Variants in ADGRD1 observed in about 807,000 individuals in gnomAD.
ADGRD1 encodes G-protein coupled receptor 133.
Under a neutral mutation model 113.4 loss-of-function variants are expected in ADGRD1, and 77 were observed. That is an observed-to-expected ratio of 0.68 (90% CI 0.57 to 0.82). The LOEUF is 0.82. Ranked by LOEUF, ADGRD1 falls within the 40% of genes least tolerant of loss-of-function variation. The pLI is 0.00. For missense variants in ADGRD1, 1,036 were observed against 1,139.1 expected, an observed-to-expected ratio of 0.91 and a Z score of 1.30; for synonymous variants, 474 against 475.0, an observed-to-expected ratio of 1.00 and a Z score of 0.03.
At chr12:131,131,860 C>T in intron 21 of ADGRD1, 44 bp downstream of exon 21, 1 of 1,273,000 alleles carries the variant, frequency 7.9e-7, no homozygotes, top group Non-Finnish European at 1.2e-6. Flanking sequence ...GCCCTTCTGC[C>T]CCCAGAGGAT....
At chr12:131,109,475 A>G (rs1201064072) in intron 18 of ADGRD1, among the ~76,000 whole-genome samples, 1 of 152,014 alleles carries the variant, frequency 6.6e-6, no homozygotes, top group African/African-American at 2.4e-5. Flanking sequence ...AGTATTTTCA[A>G]ATTTATTTAA....
At chr12:131,118,560 T>G in intron 19 of ADGRD1, 109 bp downstream of exon 19, 1 of 757,318 alleles carries the variant, frequency 1.3e-6, no homozygotes. Context: ...AGGGGTGCTG[T>G]GCAAAGCTGG....
At chr12:131,059,428 C>G (rs1566073279) in intron 13 of ADGRD1, among the ~76,000 whole-genome samples, 1 of 152,254 alleles carries the variant, frequency 6.6e-6, no homozygotes, top group East Asian at 1.9e-4. Flanking sequence ...TGATCTGCCC[C>G]CCTCGGCCTC....
intron 15 of ADGRD1, among the ~76,000 whole-genome samples, chr12:131,089,406 G>A (rs1030484187): frequency 2.3e-4 from 35 of 152,220 alleles, no homozygotes; most frequent in Non-Finnish European, 4.9e-4. Flanking sequence ...ACTGGCTGCC[G>A]GGAGCCATTT....
rs905658324 is a variant in ADGRD1 at position 131,140,338 on chromosome 12, G to A, written c.*1075G>A. The A allele has an allele frequency of 2.0e-5, 3 of 152,230 alleles. No individual in the cohort carries two copies. The highest frequency in any genetic ancestry group is 7.2e-5 in the African/African-American group (3 of 41,452). The allele number at this position is 152,230 out of a possible 1,614,324, so 9.4% of individuals were successfully genotyped here. A position where few individuals can be genotyped will look rare whatever the true frequency, so the allele number is the denominator to read the frequency against. ...GAGTCCCCACTGACCTGGAGAGGGA[G>A]GGCTGGTGACAGCCGTGTCTTCTGT... is the stretch of plus-strand genomic sequence containing the variant. On this transcript the variant is annotated 3_prime_UTR_variant, in exon 25 of 25. Transcript: ENST00000261654.
chr12:131,085,262 G>A (rs1472701294), intron 15 of ADGRD1, among the ~76,000 whole-genome samples: 1 of 152,170 alleles, frequency 6.6e-6, no homozygotes, highest in Non-Finnish European at 1.5e-5. Context: ...AGGTGTCTCC[G>A]GGATGTGGCG....
Position 131,108,879 on chromosome 12 carries a change from T to A in ADGRD1, c.2041+2T>A. On this transcript the variant is annotated splice_donor_variant, in intron 18 of 24. Transcript: ENST00000261654. LOFTEE classifies it high-confidence loss of function. Reference sequence around the variant, plus strand: ...GTTACTACTATGGGATGGGATGGGGTAGGTGGGGCAGGGCAGGTGGGATGG... The same window carrying A: ...GTTACTACTATGGGATGGGATGGGGAAGGTGGGGCAGGGCAGGTGGGATGG... 3 of 1,540,380 alleles carry A rather than the reference T, an allele frequency of 1.9e-6. No homozygotes were observed. The highest frequency in any genetic ancestry group is 2.6e-6 in the Non-Finnish European group (3 of 1,137,802).
At chr12:131,071,156 A>G (rs1207908609) in intron 13 of ADGRD1, among the ~76,000 whole-genome samples, 8 of 144,184 alleles carry the variant, frequency 5.5e-5, no homozygotes, top group South Asian at 4.7e-4. Context: ...AGGTGGGGCT[A>G]AGTGAAAGGA....
chr12:131,112,519 A>G (rs758147305), intron 18 of ADGRD1, among the ~76,000 whole-genome samples: 2 of 152,200 alleles, frequency 1.3e-5, no homozygotes, highest in Non-Finnish European at 2.9e-5. Flanking sequence ...AATATGGTTT[A>G]TCTTGGTGTT....
At position 131,139,180 on chromosome 12, in the gene ADGRD1, C is replaced by T. The variant is rs758174939; in HGVS notation, c.2542C>T (p.Arg848Trp). The T allele has an allele frequency of 4.3e-6, 7 of 1,612,928 alleles. No individual in the cohort carries two copies. Among genetic ancestry groups the T allele is most frequent in the South Asian group, 3.3e-5 (3 of 91,006 alleles). The change falls in exon 25 of 25, where the codon CGG (arginine) becomes TGG (tryptophan). Residue 848 changes from arginine to tryptophan, a missense_variant. Physicochemically the swap from Arg to Trp is moderately radical, Grantham distance 101 (BLOSUM62 -3). Transcript: ENST00000261654. ...PFHSDLMNGT[R>W]PGMASTKLSP... ...TTATGCTTTGCAGATGAATGGGACC[C>T]GGCCAGGCATGGCCTCCACCAAGCT... is the stretch of plus-strand genomic sequence containing the variant.
At chr12:131,095,523 G>A (rs1406673657) in intron 15 of ADGRD1, among the ~76,000 whole-genome samples, 2 of 152,194 alleles carry the variant, frequency 1.3e-5, no homozygotes, top group African/African-American at 4.8e-5. Context: ...ATCTTCTTTC[G>A]GGGCTACCCT....
chr12:130,960,557 T>G lies in ADGRD1; in HGVS notation c.103+5897T>G, dbSNP rs140158201. 5.0e-3 allele frequency among the ~76,000 whole-genome samples: 623 copies of G among 123,488 alleles called. 3 individuals are homozygous for G. Among genetic ancestry groups the G allele is most frequent in the East Asian group, 0.019 (80 of 4,134 alleles). 81.0% of individuals were successfully genotyped at this position (123,488 alleles called of 152,430 possible). A position where few individuals can be genotyped will look rare whatever the true frequency, so the allele number is the denominator to read the frequency against. On this transcript the variant is annotated intron_variant, in intron 2 of 24. Coordinates refer to ENST00000261654, the MANE Select transcript of ADGRD1 (RefSeq NM_198827.5). ...TAATTATATTCTATGTTTATTGATT[T>G]ATTTATTTATTTTTGCATTTTATCA...
chr12:130,955,593 C>T (rs1009802704), intron 2 of ADGRD1, among the ~76,000 whole-genome samples: 5 of 152,146 alleles, frequency 3.3e-5, no homozygotes, highest in Non-Finnish European at 7.4e-5. Flanking sequence ...AGTCACTGGG[C>T]TGTTGCTCCC....
At position 131,084,622 on chromosome 12, in the gene ADGRD1, C is replaced by G. The variant is rs779638459; in HGVS notation, c.1630C>G (p.Leu544Val). 6.2e-7 allele frequency: 1 copy of G among 1,614,194 alleles called. No homozygotes were observed. Among genetic ancestry groups the G allele is most frequent in the Non-Finnish European group, 8.5e-7 (1 of 1,180,026 alleles). The change falls in exon 15 of 25, where the codon CTC becomes GTC. Residue 544 changes from leucine to valine, a missense_variant. Coordinates refer to ENST00000261654, the MANE Select transcript of ADGRD1 (RefSeq NM_198827.5). This position sits in a 1 kb window ranked among gnomAD's most constrained non-coding sequence, Gnocchi z 4.5. ...CTACTCCGTCTGCCGCTGCACTCAC[C>G]TCACCAACTTTGCCATCCTCATGCA... ...LTYSVCRCTH[L>V]TNFAILMQVV... is the part of the protein sequence containing the mutation.
intron 13 of ADGRD1, among the ~76,000 whole-genome samples, chr12:131,074,023 G>A (rs570904946): frequency 9.7e-4 from 147 of 152,302 alleles, no homozygotes; most frequent in African/African-American, 3.3e-3. Flanking sequence ...TTACATAAAA[G>A]CCAGCACATT....
intron 15 of ADGRD1, chr12:131,092,029 G>A (rs550232876): frequency 2.6e-5 from 4 of 152,370 alleles, no homozygotes; most frequent in Admixed American, 2.6e-4. Flanking sequence ...CTCCTTGGAG[G>A]CCAGAATGCC....
chr12:131,018,956 C>T (rs370686896), intron 13 of ADGRD1, among the ~76,000 whole-genome samples: 34 of 152,326 alleles, frequency 2.2e-4, no homozygotes, highest in African/African-American at 7.9e-4. Flanking sequence ...GAGGACATGA[C>T]AGGCAGCGTC....
At chr12:130,963,408 C>T (rs1166213182) in intron 2 of ADGRD1, among the ~76,000 whole-genome samples, 2 of 151,982 alleles carry the variant, frequency 1.3e-5, no homozygotes, top group East Asian at 3.9e-4. Context: ...TCTTACATCT[C>T]GCACTCAGCT....
intron 21 of ADGRD1, among the ~76,000 whole-genome samples, chr12:131,134,207 ACT>A (rs1951011709): frequency 6.6e-6 from 1 of 152,098 alleles, no homozygotes; most frequent in Non-Finnish European, 1.5e-5. Flanking sequence ...GGGCCTGGAG[ACT>A]CAGGGCCTGA....
Sources: gnomAD v4.1 joint callset for allele counts (sites outside exome capture counted in the v4.1 genomes callset) on GRCh38, gnomAD v4.1.1 for gene constraint, Gnocchi (gnomAD v3.1) non-coding constraint, MANE v1.5 for transcripts, NCBI Gene and HGNC (gene_info 2026-07-23, HGNC 2026-07-21) for gene names.